The following NRXN3 variants were observed in gnomAD, a reference collection of about 807,000 sequenced individuals.
NRXN3 encodes neurexin 3, also known as neurexin III.
NRXN3 carries 32 observed loss-of-function variants against 137.6 expected under a neutral mutation model. The ratio of observed to expected loss-of-function variants is 0.23; its 90% CI spans 0.18 to 0.31. NRXN3 has a LOEUF of 0.31. NRXN3 is among the 10% of genes least tolerant of loss of function. The pLI, the probability that NRXN3 is intolerant of heterozygous loss-of-function variation, is 1.00. For missense variants in NRXN3, 1,574 were observed against 2,062.5 expected, an observed-to-expected ratio of 0.76 and a Z score of 4.59; for synonymous variants, 798 against 784.5, an observed-to-expected ratio of 1.02 and a Z score of -0.29.
chr14:79,719,283 A>ATATG (rs928123463), intron 19 of NRXN3, among the ~76,000 whole-genome samples: 1 of 75,554 alleles, frequency 1.3e-5, no homozygotes, highest in African/African-American at 5.2e-5. Context: ...GTGTACATAT[A>ATATG]TATGTATGTA....
At chr14:79,263,338 A>C (rs2077928945) in intron 15 of NRXN3, among the ~76,000 whole-genome samples, 1 of 152,204 alleles carries the variant, frequency 6.6e-6, no homozygotes, top group Non-Finnish European at 1.5e-5. Context: ...TATTATGTTC[A>C]TATCTTTACA....
chr14:79,670,256 A>T (rs899972950), intron 17 of NRXN3, among the ~76,000 whole-genome samples: 1 of 151,974 alleles, frequency 6.6e-6, no homozygotes, highest in Non-Finnish European at 1.5e-5. Context: ...TACCTTCTGA[A>T]CTCATCTAAT....
intron 15 of NRXN3, among the ~76,000 whole-genome samples, chr14:79,459,383 T>G (rs1342390912): frequency 1.3e-5 from 2 of 152,036 alleles, no homozygotes; most frequent in African/African-American, 4.8e-5. Flanking sequence ...GAGGTTATTT[T>G]GGTGGGCCCT....
intron 16 of NRXN3, among the ~76,000 whole-genome samples, chr14:79,649,969 C>A (rs1326867237): frequency 6.6e-6 from 1 of 152,192 alleles, no homozygotes; most frequent in Non-Finnish European, 1.5e-5. Flanking sequence ...CATTTCCCGA[C>A]TGACAGATGG....
At chr14:78,261,956 A>AT (rs199776166) in intron 2 of NRXN3, among the ~76,000 whole-genome samples, 343 of 152,216 alleles carry the variant, frequency 2.3e-3, no homozygotes, top group African/African-American at 7.5e-3. Flanking sequence ...AAATGAGTGG[A>AT]TTTTTTTTAT....
chr14:79,125,153 T>C (rs543357883), intron 15 of NRXN3, among the ~76,000 whole-genome samples: 1 of 152,236 alleles, frequency 6.6e-6, no homozygotes. Context: ...CAGATCTTCA[T>C]CTGGCTGTCC....
chr14:79,234,483 C>T (rs1043200704), intron 15 of NRXN3, among the ~76,000 whole-genome samples: 14 of 150,280 alleles, frequency 9.3e-5, no homozygotes, highest in African/African-American at 2.7e-4. Context: ...TCCTGAGGTT[C>T]AAGCCATTCT....
chr14:79,486,529 A>C (rs953388300), intron 16 of NRXN3, among the ~76,000 whole-genome samples: 1 of 152,224 alleles, frequency 6.6e-6, no homozygotes, highest in East Asian at 1.9e-4. Flanking sequence ...CGGAGCCACC[A>C]CCCTCAGCAG....
rs144764096 is a variant in NRXN3 at position 78,573,354 on chromosome 14, A to G, written c.758-71766A>G. On this transcript the variant is annotated intron_variant, in intron 4 of 20. Transcript: ENST00000335750. ...ACAGGCAGAGGTTGGAACATGTTGG[A>G]GAGCTCAGAAGAAAGAAGACAGGAA... Among the ~76,000 whole-genome samples, 204 of 152,326 alleles carry G rather than the reference A, an allele frequency of 1.3e-3. 1 individual carries two copies. The highest frequency in any genetic ancestry group is 4.8e-3 in the African/African-American group (200 of 41,578).
At chr14:78,214,859 G>A (rs963013804) in intron 1 of NRXN3, among the ~76,000 whole-genome samples, 2 of 152,118 alleles carry the variant, frequency 1.3e-5, no homozygotes, top group Non-Finnish European at 2.9e-5. Flanking sequence ...CTTTGCTGTG[G>A]GGGGCCTTGC....
intron 8 of NRXN3, among the ~76,000 whole-genome samples, chr14:78,801,043 C>T (rs573091959): frequency 2.6e-4 from 39 of 152,246 alleles, no homozygotes; most frequent in African/African-American, 8.2e-4. Flanking sequence ...TACATGAGGC[C>T]GGGCGCAGTG....
chr14:78,655,746 C>T (rs570111260), intron 6 of NRXN3, among the ~76,000 whole-genome samples: 31 of 152,138 alleles, frequency 2.0e-4, no homozygotes, highest in Admixed American at 1.0e-3. Context: ...TTTAGATGAG[C>T]AATGTGTAAG....
At chr14:79,182,042 T>C (rs78222780) in intron 15 of NRXN3, among the ~76,000 whole-genome samples, 5,476 of 152,230 alleles carry the variant, frequency 0.036, 247 homozygotes, top group East Asian at 0.23. Flanking sequence ...TTAGTCTTTC[T>C]TCTTACTCCT....
chr14:78,935,044 G>A (rs1333706597), intron 10 of NRXN3, among the ~76,000 whole-genome samples: 1 of 152,074 alleles, frequency 6.6e-6, no homozygotes, highest in South Asian at 2.1e-4. Flanking sequence ...CTGGGCCTAC[G>A]GTTATGGCTC....
At chr14:78,669,418 A>G (rs1409938053) in intron 6 of NRXN3, among the ~76,000 whole-genome samples, 1 of 152,140 alleles carries the variant, frequency 6.6e-6, no homozygotes, top group Non-Finnish European at 1.5e-5. Context: ...GAATAAAAGA[A>G]TGGCTACTCC....
At chr14:79,259,023 A>T (rs1171282253) in intron 15 of NRXN3, among the ~76,000 whole-genome samples, 1 of 151,826 alleles carries the variant, frequency 6.6e-6, no homozygotes, top group East Asian at 1.9e-4. Context: ...CATGGGTTTT[A>T]TTTTTTTTCC....
chr14:78,190,986 TTA>T (rs1261673823), intron 1 of NRXN3, among the ~76,000 whole-genome samples: 1 of 152,142 alleles, frequency 6.6e-6, no homozygotes, highest in Non-Finnish European at 1.5e-5. Flanking sequence ...TGACTCTCTT[TTA>T]TATATGAAAG....
chr14:79,792,122 T>G (rs2140310588), intron 19 of NRXN3, among the ~76,000 whole-genome samples: 1 of 152,254 alleles, frequency 6.6e-6, no homozygotes, highest in African/African-American at 2.4e-5. Flanking sequence ...TTGGGTTCTC[T>G]GAGCAGCTGT....
intron 16 of NRXN3, among the ~76,000 whole-genome samples, chr14:79,541,178 A>G (rs1447627424): frequency 1.3e-5 from 2 of 152,172 alleles, no homozygotes; most frequent in Non-Finnish European, 2.9e-5. Flanking sequence ...TGGGAGGCCA[A>G]GGCAGGCAGA....
Sources: gnomAD v4.1 joint callset for allele counts (sites outside exome capture counted in the v4.1 genomes callset) on GRCh38, gnomAD v4.1.1 for gene constraint, MANE v1.5 for transcripts, NCBI Gene and HGNC (gene_info 2026-07-23, HGNC 2026-07-21) for gene names.